ACER2: variants seen among roughly 807,000 people sequenced by gnomAD.
ACER2 encodes alkCDase 2.
ACER2 carries 26 observed loss-of-function variants against 34.7 expected under a neutral mutation model. The ratio of observed to expected loss-of-function variants is 0.75; its 90% confidence interval spans 0.55 to 1.04. The LOEUF (loss-of-function observed/expected upper bound fraction) is 1.04, where lower values mean the gene tolerates loss of function less well. Ranked by LOEUF, ACER2 falls within the 50% of genes least tolerant of loss-of-function variation. The pLI, the probability that ACER2 is intolerant of heterozygous loss-of-function variation, is 0.00. For synonymous variants in ACER2, 138 were observed against 132.1 expected, an observed-to-expected ratio of 1.04 and a Z score of -0.31; for missense variants, 352 against 340.8, an observed-to-expected ratio of 1.03 and a Z score of -0.26.
In ACER2 at chr9:19,423,938, G is replaced by C. The variant is rs191270627; in HGVS notation, c.185G>C (p.Ser62Thr). The C allele has an allele frequency of 1.7e-5, 27 of 1,614,052 alleles. No homozygotes were observed. In the East Asian group the frequency reaches 6.0e-4, roughly 36 times the overall value. ...LFRQYATCFN[S>T]GIYLIWTLLV... The stretch of plus-strand genomic sequence containing the variant: ...CGTCAGTATGCAACATGCTTCAACA[G>C]TGGCATCTACTTAATCTGGACTCTT... The change falls in exon 2 of 6, where the codon AGT (serine) becomes ACT (threonine). Residue 62 changes from serine to threonine, a missense_variant. Ser to Thr is a moderately conservative substitution (Grantham distance 58). Coordinates refer to ENST00000340967, the MANE Select transcript of ACER2 (RefSeq NM_001010887.3).
intron 1 of ACER2, chr9:19,409,985 A>G (rs879745741): frequency 3.1e-6 from 3 of 956,584 alleles, no homozygotes; most frequent in Non-Finnish European, 3.7e-6. Flanking sequence ...CAGCTGGGAG[A>G]GGAAATGCCT....
intron 3 of ACER2, 50 bp downstream of exon 3, chr9:19,424,891 A>G (rs1830513669): frequency 2.5e-6 from 4 of 1,605,496 alleles, no homozygotes; most frequent in Non-Finnish European, 3.4e-6. Context: ...GCAGTACCCA[A>G]TATAACAATG....
At position 19,435,776 on chromosome 9, in the gene ACER2, G is replaced by A. The variant is rs138532446; in HGVS notation, c.503+692G>A. 3.9e-5 allele frequency among the ~76,000 whole-genome samples: 6 copies of A among 152,008 alleles called. No homozygotes were observed. In the East Asian group the frequency reaches 5.8e-4, roughly 15 times the overall value. ...AAAAAAAGGAAAAAAAAAGCCGGGCGCAGTGGCTCATGCCTGTAATCCCAG... is the reference window on the plus strand; with the variant it reads ...AAAAAAAGGAAAAAAAAAGCCGGGCACAGTGGCTCATGCCTGTAATCCCAG... On this transcript the variant is annotated intron_variant, in intron 4 of 5. Transcript: ENST00000340967.
intron 3 of ACER2, among the ~76,000 whole-genome samples, chr9:19,428,103 CTCTT>C (rs1439010828): frequency 1.6e-5 from 2 of 127,370 alleles, no homozygotes; most frequent in East Asian, 2.3e-4. Flanking sequence ...CTCTTTCTTT[CTCTT>C]TCTTTTCTTT....
In ACER2 at chr9:19,447,312, T is replaced by C. The variant is rs536271797; in HGVS notation, c.641+894T>C. Among the ~76,000 whole-genome samples the C allele has an allele frequency of 3.3e-5, 5 of 152,332 alleles. No homozygotes were observed. In the East Asian group the frequency reaches 7.7e-4, roughly 23 times the overall value. The stretch of plus-strand genomic sequence containing the variant: ...GAAAAGGTTGACTTCTATCCAGAGA[T>C]AGGCTAAAAATATACAATTTGATAG... On this transcript the variant is annotated intron_variant, in intron 5 of 5. Transcript: ENST00000340967.
chr9:19,413,116 C>A (rs1449609198), intron 1 of ACER2, among the ~76,000 whole-genome samples: 1 of 152,166 alleles, frequency 6.6e-6, no homozygotes, highest in East Asian at 1.9e-4. Context: ...TTTGGGCATA[C>A]AAAACATTTT....
chr9:19,435,740 A>G (rs1589056721), intron 4 of ACER2, among the ~76,000 whole-genome samples: 1 of 151,892 alleles, frequency 6.6e-6, no homozygotes, highest in East Asian at 1.9e-4. Flanking sequence ...TGACAGAGTG[A>G]GACTTGTCTC....
At chr9:19,449,325 A>G (rs1368992609) in intron 5 of ACER2, among the ~76,000 whole-genome samples, 3 of 152,206 alleles carry the variant, frequency 2.0e-5, no homozygotes, top group Admixed American at 2.0e-4. Flanking sequence ...AATCTGGTTC[A>G]TACCATTCTC....
chr9:19,409,181 T>C lies in ACER2; in HGVS notation c.97T>C (p.Phe33Leu), dbSNP rs1830007618. The C allele has an allele frequency of 2.5e-6, 4 of 1,594,498 alleles. No homozygotes were observed. In the South Asian group the frequency reaches 3.4e-5, roughly 14 times the overall value. The stretch of plus-strand genomic sequence containing the variant: ...CACCATCGTGCCTGCTATCGCCGAG[T>C]TCTACAACACGGTGCGGGGCGCGGG... ...NYTIVPAIAEFYNTISNVLFF... is the reference protein window; with the variant it reads ...NYTIVPAIAELYNTISNVLFF... Residue 33 changes from phenylalanine to leucine, a missense_variant, in exon 1 of 6, where the codon TTC becomes CTC. Phe to Leu is a conservative substitution (Grantham distance 22, BLOSUM62 0). Coordinates refer to ENST00000340967, the MANE Select transcript of ACER2 (RefSeq NM_001010887.3).
chr9:19,423,829 C>A, intron 1 of ACER2, 33 bp from the exon 2 acceptor site: 1 of 1,548,346 alleles, frequency 6.5e-7, no homozygotes, highest in Non-Finnish European at 8.9e-7. Flanking sequence ...TTACTTAATA[C>A]TCATCTTTCT....
chr9:19,435,541 T>A (rs1830935835), intron 4 of ACER2, among the ~76,000 whole-genome samples: 1 of 152,204 alleles, frequency 6.6e-6, no homozygotes, highest in African/African-American at 2.4e-5. Flanking sequence ...ATCTATTAGG[T>A]AAAGGTTTTG....
chr9:19,428,119 C>G (rs930691265), intron 3 of ACER2, among the ~76,000 whole-genome samples: 2 of 123,090 alleles, frequency 1.6e-5, no homozygotes, highest in African/African-American at 6.1e-5. Context: ...CTTTTCTTTT[C>G]TTTTTTTCTT....
intron 1 of ACER2, among the ~76,000 whole-genome samples, chr9:19,414,800 C>G (rs971427427): frequency 1.3e-5 from 2 of 151,006 alleles, no homozygotes; most frequent in Non-Finnish European, 2.9e-5. Context: ...GAGCCAAGAT[C>G]GCGCCACTGC....
chr9:19,417,591 A>C (rs552200016), intron 1 of ACER2, among the ~76,000 whole-genome samples: 1 of 152,230 alleles, frequency 6.6e-6, no homozygotes, highest in East Asian at 1.9e-4. Flanking sequence ...ATCTTTGACA[A>C]ACCTGACAAA....
In ACER2 at chr9:19,450,488, T is replaced by G; in HGVS notation, c.680T>G (p.Val227Gly). Residue 227 changes from valine to glycine, a missense_variant, in exon 6 of 6, where the codon GTA becomes GGA. Val to Gly is a moderately radical substitution (Grantham distance 109, BLOSUM62 -3). Coordinates refer to ENST00000340967, the MANE Select transcript of ACER2 (RefSeq NM_001010887.3). Reference protein sequence around the residue: ...LICLAAYLGCVCFAYFDAASE... With the variant: ...LICLAAYLGCGCFAYFDAASE... ...TGCCTTGCTGCCTACCTGGGCTGTG[T>G]ATGCTTTGCCTACTTTGATGCTGCC... 1 of 1,611,118 alleles carries G rather than the reference T, an allele frequency of 6.2e-7. No individual in the cohort carries two copies. Among genetic ancestry groups the G allele is most frequent in the African/African-American group, 1.3e-5 (1 of 75,018 alleles).
At chr9:19,426,438 T>TGAAA in intron 3 of ACER2, among the ~76,000 whole-genome samples, 1 of 142,716 alleles carries the variant, frequency 7.0e-6, no homozygotes, top group East Asian at 2.4e-4. Context: ...CTTCCCCTCC[T>TGAAA]GTCTTGAAAG....
intron 3 of ACER2, among the ~76,000 whole-genome samples, chr9:19,433,252 TAAAC>T (rs749093886): frequency 1.0e-3 from 143 of 143,376 alleles, no homozygotes; most frequent in Admixed American, 4.7e-3. Flanking sequence ...GGTCAGCAGA[TAAAC>T]AAGTGAACAA....
chr9:19,426,502 G>A (rs946559679), intron 3 of ACER2, among the ~76,000 whole-genome samples: 5 of 151,538 alleles, frequency 3.3e-5, no homozygotes, highest in African/African-American at 1.2e-4. Flanking sequence ...GTTAGATTGA[G>A]AGCTGAGGAA....
intron 1 of ACER2, among the ~76,000 whole-genome samples, chr9:19,414,783 A>G (rs1053319490): frequency 2.0e-5 from 3 of 151,718 alleles, no homozygotes. Context: ...GAGGCGGAGC[A>G]TGCAGTGAGC....
Sources: allele counts gnomAD v4.1 joint callset (sites outside exome capture counted in the v4.1 genomes callset), GRCh38; gene constraint gnomAD v4.1.1; transcripts MANE v1.5; gene names NCBI Gene and HGNC (gene_info 2026-07-23, HGNC 2026-07-21).